The following PIGZ variants were observed in gnomAD, a reference collection of about 807,000 sequenced individuals.
PIGZ encodes phosphatidylinositol glycan anchor biosynthesis class Z (Gwada blood group).
In PIGZ, 16 loss-of-function variants were observed where a neutral mutation model predicts 16.4. The observed-to-expected ratio is 0.97, with a 90% CI of 0.66 to 1.48. PIGZ has a LOEUF of 1.48. PIGZ is among the 40% of genes most tolerant of loss of function. The pLI is 0.00. For missense variants in PIGZ, 770 were observed against 739.2 expected (o/e 1.04, Z -0.48); for synonymous variants, 409 against 338.4 (o/e 1.21, Z -2.29).
rs749028791 is a variant in PIGZ, at chr3:196,948,443, C to G, written c.454G>C (p.Gly152Arg). The change falls in exon 3 of 3, where the codon GGG becomes CGG. Residue 152 changes from glycine to arginine, a missense_variant. Gly to Arg is a moderately radical substitution (Grantham distance 125, BLOSUM62 -2). Transcript: ENST00000412723. ...GCCAGGGCGTTCCAGCGATCCGCCC[C>G]CATCGGCGGGGCCAGGTGGTACACG... ...GAVYHLAPPM[G>R]ADRWNALALL... 1 of 1,614,018 alleles carries G rather than the reference C, an allele frequency of 6.2e-7. No homozygotes were observed. The highest frequency in any genetic ancestry group is 8.5e-7 in the Non-Finnish European group (1 of 1,180,022).
rs1255734481 is a variant in PIGZ at position 196,947,761 on chromosome 3, G to GC, written c.1135dup (p.Ala379GlyfsTer7). The stretch of plus-strand genomic sequence containing the variant: ...CTGGTGGCTAAAGGCAGATAGCAGG[G>GC]CCAGAGGCATGAAGTAGAGGAGAAG... On this transcript the variant is annotated frameshift_variant, in exon 3 of 3. Coordinates refer to ENST00000412723, the MANE Select transcript of PIGZ (RefSeq NM_025163.4). LOFTEE classifies it high-confidence loss of function. The GC allele has an allele frequency of 1.2e-6, 2 of 1,611,882 alleles. No individual in the cohort carries two copies. The highest frequency in any genetic ancestry group is 3.3e-5 in the Admixed American group (2 of 59,770).
intron 1 of PIGZ, among the ~76,000 whole-genome samples, chr3:196,962,107 C>T (rs1309964787): frequency 6.6e-6 from 1 of 152,174 alleles, no homozygotes; most frequent in Non-Finnish European, 1.5e-5. Flanking sequence ...ACATAAGAAA[C>T]TCCATTTTGA....
At chr3:196,952,587 G>A (rs1241785040) in intron 1 of PIGZ, among the ~76,000 whole-genome samples, 2 of 152,244 alleles carry the variant, frequency 1.3e-5, no homozygotes, top group African/African-American at 2.4e-5. Context: ...ACAGGCACAC[G>A]CCACTACGCC....
intron 2 of PIGZ, among the ~76,000 whole-genome samples, chr3:196,949,110 C>T (rs867405669): frequency 1.4e-5 from 2 of 147,930 alleles, no homozygotes; most frequent in Non-Finnish European, 1.5e-5. Context: ...AGTGCGGTGG[C>T]GAGATCACAG....
Position 196,965,721 on chromosome 3 carries a change from G to A in PIGZ, c.-1+2966C>T, listed in dbSNP as rs1717898182. Among the ~76,000 whole-genome samples, 1 of 152,140 alleles carries A rather than the reference G, an allele frequency of 6.6e-6. No homozygotes were observed. The highest frequency in any genetic ancestry group is 6.6e-5 in the Admixed American group (1 of 15,266). ...GCTGTGCAGAATCTTTGGATGGCTGGAGGCCCTGGGTTGGTTGTTTCTGTT... is the reference window on the plus strand; with the variant it reads ...GCTGTGCAGAATCTTTGGATGGCTGAAGGCCCTGGGTTGGTTGTTTCTGTT... On this transcript the variant is annotated intron_variant, in intron 1 of 2. Transcript: ENST00000412723. The surrounding 1 kb of genome is among the most constrained non-coding windows in gnomAD (Gnocchi z 4.2).
chr3:196,952,265 G>A (rs1371895085), intron 1 of PIGZ, among the ~76,000 whole-genome samples: 1 of 152,144 alleles, frequency 6.6e-6, no homozygotes, highest in Non-Finnish European at 1.5e-5. Context: ...GGAAACGGAG[G>A]CCTCTGCTGA....
intron 1 of PIGZ, among the ~76,000 whole-genome samples, chr3:196,963,036 G>A (rs1250273677): frequency 6.6e-6 from 1 of 152,232 alleles, no homozygotes. Flanking sequence ...GGTGTGGAGG[G>A]GCAGGCCCCC....
intron 1 of PIGZ, among the ~76,000 whole-genome samples, chr3:196,959,181 C>G (rs531380537): frequency 1.1e-3 from 162 of 152,354 alleles, no homozygotes; most frequent in Non-Finnish European, 1.7e-3. Flanking sequence ...CTGCTGTCCT[C>G]TATCTCACCC....
rs866754589 is a variant in PIGZ, at chr3:196,947,990, G to A, written c.907C>T (p.Pro303Ser). Residue 303 changes from proline (P) to serine (S), a missense_variant, in exon 3 of 3, where the codon CCC becomes TCC. Coordinates refer to ENST00000412723, the MANE Select transcript of PIGZ (RefSeq NM_025163.4). ...GTGCCATGTCTCGCCAGGTTTTGGG[G>A]ATTCAGGTTGTAGTGCAAGAAGTTG... ...PVNFLHYNLN[P>S]QNLARHGTHA... 1 of 1,604,820 alleles carries A rather than the reference G, an allele frequency of 6.2e-7. No homozygotes were observed. The highest frequency in any genetic ancestry group is 8.5e-7 in the Non-Finnish European group (1 of 1,173,916).
At position 196,948,956 on chromosome 3, in the gene PIGZ, CCCTT is replaced by C. The variant is rs1191412326; in HGVS notation, c.212-275_212-272del. ...TTACTTCCCTTCCTTCCCCTCCCCT[CCCTT>C]CCTTCCCTTCCCCTCCCCTCCCTTC... On this transcript the variant is annotated intron_variant, in intron 2 of 2. Coordinates refer to ENST00000412723, the MANE Select transcript of PIGZ (RefSeq NM_025163.4). Among the ~76,000 whole-genome samples, 9 of 45,834 alleles carry C rather than the reference CCCTT, an allele frequency of 2.0e-4. 1 individual carries two copies. Among genetic ancestry groups the C allele is most frequent in the Admixed American group, 6.7e-4 (3 of 4,466 alleles). The allele number at this position is 45,834 out of a possible 152,430, so 30.1% of individuals were successfully genotyped here.
rs1006690407 is a variant in PIGZ at position 196,965,992 on chromosome 3, A to T, written c.-1+2695T>A. On this transcript the variant is annotated intron_variant, in intron 1 of 2. Coordinates refer to ENST00000412723, the MANE Select transcript of PIGZ (RefSeq NM_025163.4). This position sits in a 1 kb window ranked among gnomAD's most constrained non-coding sequence, Gnocchi z 4.2. ...TCACCACCCTGAGGACCAGGTCCAC[A>T]TTCCTTACTGTGGCTGACAAGGCCC... is the stretch of plus-strand genomic sequence containing the variant. Among the ~76,000 whole-genome samples, 2 of 152,084 alleles carry T rather than the reference A, an allele frequency of 1.3e-5. No homozygotes were observed. Among genetic ancestry groups the T allele is most frequent in the Admixed American group, 6.5e-5 (1 of 15,284 alleles).
intron 2 of PIGZ, among the ~76,000 whole-genome samples, chr3:196,950,876 C>G (rs1339850203): frequency 2.0e-5 from 3 of 152,060 alleles, no homozygotes; most frequent in Admixed American, 6.5e-5. Flanking sequence ...TCCCAAGTAG[C>G]TGGGATTACA....
Position 196,965,045 on chromosome 3 carries a change from C to T in PIGZ, c.-1+3642G>A, listed in dbSNP as rs529218722. ...AGGGCAGCCCAAAAGAACTCATCAC[C>T]TTCCCTGGAATGAGCCCTGTCCCCA... is the stretch of plus-strand genomic sequence containing the variant. On this transcript the variant is annotated intron_variant, in intron 1 of 2. Transcript: ENST00000412723. The surrounding 1 kb of genome is among the most constrained non-coding windows in gnomAD (Gnocchi z 4.2). 2.6e-5 allele frequency among the ~76,000 whole-genome samples: 4 copies of T among 152,294 alleles called. No homozygotes were observed. Among genetic ancestry groups the T allele is most frequent in the Admixed American group, 6.5e-5 (1 of 15,302 alleles).
intron 2 of PIGZ, 63 bp downstream of exon 2, chr3:196,951,758 T>A (rs1717291043): frequency 6.6e-7 from 1 of 1,525,748 alleles, no homozygotes; most frequent in Non-Finnish European, 9.0e-7. Flanking sequence ...CCACAAAGTC[T>A]CCCGTCAGCT....
rs752549354 is a variant in PIGZ, at chr3:196,947,488, CG to C, written c.1408del (p.Arg470GlyfsTer30). The C allele has an allele frequency of 6.2e-6, 10 of 1,613,202 alleles. No individual in the cohort carries two copies. The highest frequency in any genetic ancestry group is 2.7e-5 in the African/African-American group (2 of 74,856). ...LLFTHTYMPP[R>X]HLLHLPGLGA... The stretch of plus-strand genomic sequence containing the variant: ...CAGGCCTGGGAGGTGTAGGAGGTGC[CG>C]GGGGGGCATGTAGGTGTGAGTGAAG... On this transcript the variant is annotated frameshift_variant, in exon 3 of 3. Coordinates refer to ENST00000412723, the MANE Select transcript of PIGZ (RefSeq NM_025163.4). LOFTEE classifies it high-confidence loss of function.
At chr3:196,956,518 G>A (rs1028731203) in intron 1 of PIGZ, among the ~76,000 whole-genome samples, 1 of 152,108 alleles carries the variant, frequency 6.6e-6, no homozygotes, top group South Asian at 2.1e-4. Context: ...CTCCCACCAG[G>A]TCCCTCCCAC....
chr3:196,952,076 T>G, intron 1 of PIGZ, 45 bp from the exon 2 acceptor site: 1 of 1,520,016 alleles, frequency 6.6e-7, no homozygotes, highest in Non-Finnish European at 9.0e-7. Flanking sequence ...TAAATTATAA[T>G]ATATTCAACT....
intron 1 of PIGZ, among the ~76,000 whole-genome samples, chr3:196,968,025 C>T (rs1162270248): frequency 6.6e-6 from 1 of 152,238 alleles, no homozygotes; most frequent in Non-Finnish European, 1.5e-5. Context: ...GAAATGTCCT[C>T]ATTACAGAAC....
rs757180822 is a variant in PIGZ at position 196,948,137 on chromosome 3, G to C, written c.760C>G (p.Leu254Val). The part of the protein sequence containing the change: ...RGATNPGLKS[L>V]TREALVLLPG... ...AGCAGCACCAGGGCCTCCCGGGTCAGAGACTTCAAACCAGGGTTTGTGGCT... is the reference window on the plus strand; with the variant it reads ...AGCAGCACCAGGGCCTCCCGGGTCACAGACTTCAAACCAGGGTTTGTGGCT... The change falls in exon 3 of 3, where the codon CTG (leucine) becomes GTG (valine). Residue 254 changes from leucine to valine, a missense_variant. Physicochemically the swap from Leu to Val is conservative, Grantham distance 32. Coordinates refer to ENST00000412723, the MANE Select transcript of PIGZ (RefSeq NM_025163.4). 6.2e-7 allele frequency: 1 copy of C among 1,606,886 alleles called. No homozygotes were observed. Among genetic ancestry groups the C allele is most frequent in the Non-Finnish European group, 8.5e-7 (1 of 1,175,330 alleles).
Sources: allele counts gnomAD v4.1 joint callset (sites outside exome capture counted in the v4.1 genomes callset), GRCh38; gene constraint gnomAD v4.1.1; non-coding constraint Gnocchi (gnomAD v3.1); transcripts MANE v1.5; gene names NCBI Gene and HGNC (gene_info 2026-07-23, HGNC 2026-07-21).